RNF130: variants seen among roughly 807,000 people sequenced by gnomAD.
RNF130 encodes E3 ubiquitin-protein ligase RNF130.
Under a neutral mutation model 44.6 loss-of-function variants are expected in RNF130, and 21 were observed. That is an observed-to-expected ratio of 0.47 (90% CI 0.33 to 0.68). The LOEUF (loss-of-function observed/expected upper bound fraction) is 0.68. RNF130 is among the 30% of genes least tolerant of loss of function. The probability of loss-of-function intolerance (pLI) is 0.02; values close to 1 mark genes in which losing one functional copy is unlikely to be tolerated. For synonymous variants in RNF130, 214 were observed against 210.4 expected, an observed-to-expected ratio of 1.02 and a Z score of -0.15; for missense variants, 479 against 560.6, an observed-to-expected ratio of 0.85 and a Z score of 1.47.
intron 2 of RNF130, among the ~76,000 whole-genome samples, chr5:180,033,662 C>T (rs969896450): frequency 1.3e-5 from 2 of 150,548 alleles, no homozygotes; most frequent in African/African-American, 4.9e-5. Context: ...TACCACTGCA[C>T]TCCAGCCTGG....
intron 1 of RNF130, 55 bp downstream of exon 1, chr5:180,071,401 G>C: frequency 8.1e-7 from 1 of 1,227,812 alleles, no homozygotes; most frequent in African/African-American, 1.6e-5. Context: ...CCCTAGTCCC[G>C]CCGCCTACGC....
intron 2 of RNF130, among the ~76,000 whole-genome samples, chr5:180,023,757 C>A (rs1286012927): frequency 1.3e-5 from 2 of 152,164 alleles, no homozygotes; most frequent in Admixed American, 6.5e-5. Flanking sequence ...GCAAATCACC[C>A]ATGCAGAAAA....
At chr5:180,017,301 C>T (rs1763763521) in intron 2 of RNF130, among the ~76,000 whole-genome samples, 1 of 152,212 alleles carries the variant, frequency 6.6e-6, no homozygotes, top group South Asian at 2.1e-4. Context: ...TCAGGAAGTG[C>T]AGGCCGGGTT....
At chr5:179,983,548 A>G (rs1167947263) in intron 3 of RNF130, among the ~76,000 whole-genome samples, 2 of 152,188 alleles carry the variant, frequency 1.3e-5, no homozygotes, top group Non-Finnish European at 2.9e-5. Flanking sequence ...AGGCTTTGTA[A>G]TAGATCTGAA....
intron 7 of RNF130, among the ~76,000 whole-genome samples, chr5:179,947,852 T>G (rs1384615083): frequency 6.6e-6 from 1 of 152,226 alleles, no homozygotes; most frequent in African/African-American, 2.4e-5. Context: ...CTATTATATA[T>G]TATACATACA....
chr5:180,058,535 T>C (rs1172436347), intron 1 of RNF130, among the ~76,000 whole-genome samples: 1 of 151,444 alleles, frequency 6.6e-6, no homozygotes, highest in Admixed American at 6.6e-5. Flanking sequence ...GGTAATGGAG[T>C]CTTGTCATTT....
chr5:180,034,073 A>C (rs1764193974), intron 2 of RNF130, among the ~76,000 whole-genome samples: 1 of 149,654 alleles, frequency 6.7e-6, no homozygotes, highest in Non-Finnish European at 1.5e-5. Flanking sequence ...GGCTGAGGAT[A>C]TTTCCTAATG....
intron 8 of RNF130, among the ~76,000 whole-genome samples, chr5:179,956,927 A>C (rs1762226695): frequency 6.6e-6 from 1 of 152,226 alleles, no homozygotes; most frequent in African/African-American, 2.4e-5. Context: ...GGGCGTTGTC[A>C]ACTTTTTTGA....
intron 3 of RNF130, among the ~76,000 whole-genome samples, chr5:179,993,572 T>C (rs1300506711): frequency 2.9e-5 from 4 of 137,446 alleles, no homozygotes; most frequent in African/African-American, 4.9e-5. Context: ...GATGGGGTTG[T>C]TTGATTTTTT....
At chr5:180,015,746 A>AAAGGAGTAG (rs1763712332) in intron 2 of RNF130, among the ~76,000 whole-genome samples, 1 of 105,610 alleles carries the variant, frequency 9.5e-6, no homozygotes, top group Non-Finnish European at 2.0e-5. Context: ...GAAAAGGAGT[A>AAAGGAGTAG]GGAAAGGAGT....
intron 3 of RNF130, among the ~76,000 whole-genome samples, chr5:180,007,238 TA>T (rs1235589831): frequency 6.6e-6 from 1 of 151,892 alleles, no homozygotes; most frequent in East Asian, 1.9e-4. Flanking sequence ...CCATCTCTAC[TA>T]AAAATACAAA....
intron 1 of RNF130, among the ~76,000 whole-genome samples, chr5:180,055,248 C>CAAA (rs1205914690): frequency 4.8e-3 from 101 of 20,920 alleles, no homozygotes; most frequent in Admixed American, 0.01. Context: ...GGTTCTGTCT[C>CAAA]AAAAAAAAAA....
chr5:179,988,371 T>C (rs1362398023), intron 3 of RNF130, among the ~76,000 whole-genome samples: 4 of 152,220 alleles, frequency 2.6e-5, no homozygotes, highest in Non-Finnish European at 5.9e-5. Context: ...TGATCCTTTG[T>C]ATTGTGTTTT....
intron 3 of RNF130, among the ~76,000 whole-genome samples, chr5:179,981,006 C>A (rs1476579130): frequency 6.6e-6 from 1 of 151,930 alleles, no homozygotes; most frequent in Admixed American, 6.6e-5. Context: ...TGGGGCGAGG[C>A]AGGGGAGGAA....
intron 7 of RNF130, among the ~76,000 whole-genome samples, chr5:179,933,001 C>G (rs57674660): frequency 1.3e-5 from 2 of 152,180 alleles, no homozygotes; most frequent in African/African-American, 4.8e-5. Flanking sequence ...AAAGACATCA[C>G]TGCAAAGCCT....
chr5:180,010,030 A>G (rs531849033), intron 3 of RNF130, among the ~76,000 whole-genome samples: 132 of 152,068 alleles, frequency 8.7e-4, no homozygotes, highest in South Asian at 2.3e-3. Flanking sequence ...GGCGGATCAC[A>G]AGGTCAGGAG....
intron 2 of RNF130, among the ~76,000 whole-genome samples, chr5:180,014,181 C>T (rs1763663256): frequency 6.6e-6 from 1 of 152,230 alleles, no homozygotes; most frequent in Admixed American, 6.5e-5. Context: ...TTATAGTTAC[C>T]TAGACCTTTC....
At chr5:180,027,605 T>C (rs2113116286) in intron 2 of RNF130, among the ~76,000 whole-genome samples, 1 of 152,252 alleles carries the variant, frequency 6.6e-6, no homozygotes, top group Middle Eastern at 3.4e-3. Context: ...AAACAGGACC[T>C]TTCTATAACC....
At chr5:179,935,348 G>A (rs891453989) in intron 7 of RNF130, among the ~76,000 whole-genome samples, 2 of 151,768 alleles carry the variant, frequency 1.3e-5, no homozygotes, top group African/African-American at 4.8e-5. Context: ...AGTTGATGAG[G>A]GCTATATAAA....
Sources: gnomAD v4.1 joint callset for allele counts (sites outside exome capture counted in the v4.1 genomes callset) on GRCh38, gnomAD v4.1.1 for gene constraint, MANE v1.5 for transcripts, NCBI Gene and HGNC (gene_info 2026-07-23, HGNC 2026-07-21) for gene names.